Variants in ESRRB observed in about 807,000 individuals in gnomAD.
ESRRB encodes steroid hormone receptor ERR2.
In ESRRB, 16 loss-of-function variants were observed where a neutral mutation model predicts 46.0. That is an observed-to-expected ratio of 0.35 (90% CI 0.24 to 0.53). ESRRB has a LOEUF of 0.53. Among genes scored for constraint, ESRRB ranks in the 20% least tolerant of loss-of-function variants. The pLI, the probability that ESRRB is intolerant of heterozygous loss-of-function variation, is 0.93. For synonymous variants in ESRRB, 246 were observed against 259.6 expected (o/e 0.95, Z 0.50); for missense variants, 488 against 607.4 (o/e 0.80, Z 2.07).
Position 76,462,551 on chromosome 14 carries a change from T to A in ESRRB, c.467T>A (p.Ile156Asn). The change falls in exon 3 of 7, where the codon ATT becomes AAT. Residue 156 changes from isoleucine (I) to asparagine (N), a missense_variant. Coordinates refer to ENST00000644823, the MANE Select transcript of ESRRB (RefSeq NM_001379180.1). ...TCTCTGTGTCTGGTTGCAGGGAACA[T>A]TGAGTACAGCTGCCCGGCCACCAAC... is the stretch of plus-strand genomic sequence containing the variant. ...AFFKRTIQGN[I>N]EYSCPATNEC... 1 of 1,613,570 alleles carries A rather than the reference T, an allele frequency of 6.2e-7. No homozygotes were observed. The highest frequency in any genetic ancestry group is 8.5e-7 in the Non-Finnish European group (1 of 1,179,682).
intron 2 of ESRRB, among the ~76,000 whole-genome samples, chr14:76,454,339 T>C (rs566931412): frequency 7.2e-5 from 11 of 152,274 alleles, no homozygotes; most frequent in Non-Finnish European, 1.6e-4. Flanking sequence ...ATGAAAAACA[T>C]AATAATCTCC....
At chr14:76,497,341 G>A (rs1890471933) in intron 6 of ESRRB, among the ~76,000 whole-genome samples, 3 of 152,130 alleles carry the variant, frequency 2.0e-5, no homozygotes, top group Non-Finnish European at 2.9e-5. Context: ...ACATTGACCA[G>A]GTGCTGATCA....
chr14:76,439,833 T>A, intron 2 of ESRRB, 83 bp downstream of exon 2: 2 of 1,470,050 alleles, frequency 1.4e-6, no homozygotes, highest in South Asian at 1.2e-5. Flanking sequence ...CCCTAGGAAT[T>A]CCCAGAGACT....
chr14:76,369,052 C>T (rs1595056648), upstream of ESRRB, among the ~76,000 whole-genome samples: 1 of 151,812 alleles, frequency 6.6e-6, no homozygotes, highest in Non-Finnish European at 1.5e-5. Flanking sequence ...CAAAAATTAG[C>T]TGGGTGCGGT....
chr14:76,476,130 G>C (rs1037213328), intron 3 of ESRRB, among the ~76,000 whole-genome samples: 43 of 151,920 alleles, frequency 2.8e-4, no homozygotes, highest in African/African-American at 9.4e-4. Flanking sequence ...AGGCTGGAGT[G>C]AAATGGTGTG....
In ESRRB at chr14:76,501,132, G is replaced by T. The variant is rs1313736003; in HGVS notation, c.*2674G>T. 1 of 207,792 alleles carries T rather than the reference G, an allele frequency of 4.8e-6. No homozygotes were observed. Among genetic ancestry groups the T allele is most frequent in the Non-Finnish European group, 9.7e-6 (1 of 102,884 alleles). The allele number at this position is 207,792 out of a possible 1,614,324, so 12.9% of individuals were successfully genotyped here. On this transcript the variant is annotated 3_prime_UTR_variant, in exon 7 of 7. Coordinates refer to ENST00000644823, the MANE Select transcript of ESRRB (RefSeq NM_001379180.1). ...CAGATCTCAAGTTTACCCTAAACCT[G>T]CCATTTCTGGAAAATCTGTAAAGAG...
At chr14:76,378,953 C>A (rs1343056710) in intron 1 of ESRRB, among the ~76,000 whole-genome samples, 2 of 152,148 alleles carry the variant, frequency 1.3e-5, no homozygotes, top group African/African-American at 4.8e-5. Context: ...ACTGTTTTGA[C>A]CCCTGTGGAT....
intron 1 of ESRRB, among the ~76,000 whole-genome samples, chr14:76,313,225 C>T (rs1243710578): frequency 6.6e-6 from 1 of 152,096 alleles, no homozygotes; most frequent in Non-Finnish European, 1.5e-5. Context: ...TTCAGGGAAA[C>T]TTCAGTGTAT....
intron 2 of ESRRB, 66 bp from the exon 3 acceptor site, chr14:76,462,479 C>T: frequency 8.2e-7 from 1 of 1,217,122 alleles, no homozygotes; most frequent in African/African-American, 1.5e-5. Context: ...TCCAGCCAGC[C>T]CTGCGCTGGC....
At chr14:76,456,085 A>G (rs1363935132) in intron 2 of ESRRB, among the ~76,000 whole-genome samples, 1 of 147,282 alleles carries the variant, frequency 6.8e-6, no homozygotes, top group Non-Finnish European at 1.5e-5. Flanking sequence ...CACAAAAGAA[A>G]GAAAAGAAAA....
chr14:76,441,629 CTG>C (rs1887927133), intron 2 of ESRRB, among the ~76,000 whole-genome samples: 1 of 152,346 alleles, frequency 6.6e-6, no homozygotes, highest in South Asian at 2.1e-4. Context: ...ATAGCTGTGA[CTG>C]TTAATTGCGT....
chr14:76,356,470 C>A (rs1884380308), intron 1 of ESRRB, among the ~76,000 whole-genome samples: 1 of 152,170 alleles, frequency 6.6e-6, no homozygotes, highest in Admixed American at 6.5e-5. Flanking sequence ...AGCCCCAAAG[C>A]CTGTGCTCTA....
intron 1 of ESRRB, among the ~76,000 whole-genome samples, chr14:76,426,477 T>A (rs1887206964): frequency 6.6e-6 from 1 of 152,220 alleles, no homozygotes; most frequent in African/African-American, 2.4e-5. Flanking sequence ...CACTTATTTA[T>A]CACATGTCAT....
intron 6 of ESRRB, among the ~76,000 whole-genome samples, chr14:76,492,628 G>A (rs915156230): frequency 1.3e-5 from 2 of 152,212 alleles, no homozygotes; most frequent in African/African-American, 4.8e-5. Flanking sequence ...AGAGTTAAGA[G>A]TCAAACCAAG....
At position 76,462,664 on chromosome 14, in the gene ESRRB, A is replaced by G. The variant is rs367576997; in HGVS notation, c.577+3A>G. 11 of 1,606,304 alleles carry G rather than the reference A, an allele frequency of 6.8e-6. No individual in the cohort carries two copies. Among genetic ancestry groups the G allele is most frequent in the Middle Eastern group, 1.7e-4 (1 of 6,054 alleles). ...CAAAGTGGGGATGCTGAAGGAAGGT[A>G]AGAGACCCCACCGAGTCGGGGTTCA... On this transcript the variant is annotated splice_donor_region_variant and intron_variant, in intron 3 of 6. Transcript: ENST00000644823.
intron 1 of ESRRB, among the ~76,000 whole-genome samples, chr14:76,313,096 T>G (rs1334861625): frequency 6.6e-6 from 1 of 152,110 alleles, no homozygotes; most frequent in Non-Finnish European, 1.5e-5. Context: ...TTCCCTGGGC[T>G]ACGTGTAGAT....
intron 1 of ESRRB, among the ~76,000 whole-genome samples, chr14:76,413,310 C>T (rs555856496): frequency 6.6e-6 from 1 of 152,348 alleles, no homozygotes; most frequent in South Asian, 2.1e-4. Context: ...CAGACCCCCA[C>T]CTGGCTTCTT....
intron 6 of ESRRB, 67 bp downstream of exon 6, chr14:76,491,783 C>T: frequency 6.8e-7 from 1 of 1,480,070 alleles, no homozygotes; most frequent in Non-Finnish European, 9.0e-7. Flanking sequence ...TGAGCCCATC[C>T]CTGGGGCCTG....
chr14:76,420,801 T>C (rs914903745), intron 1 of ESRRB, among the ~76,000 whole-genome samples: 15 of 151,810 alleles, frequency 9.9e-5, no homozygotes, highest in Non-Finnish European at 2.1e-4. Flanking sequence ...GTATCAGGGG[T>C]TCCCATTTCA....
Sources: gnomAD v4.1 joint callset for allele counts (sites outside exome capture counted in the v4.1 genomes callset) on GRCh38, gnomAD v4.1.1 for gene constraint, MANE v1.5 for transcripts, NCBI Gene and HGNC (gene_info 2026-07-23, HGNC 2026-07-21) for gene names.